RUNX2: variants seen among roughly 807,000 people sequenced by gnomAD.
The protein encoded by RUNX2 is runt-related transcription factor 2.
RUNX2 carries 10 observed loss-of-function variants against 51.7 expected under a neutral mutation model. The observed-to-expected ratio is 0.19, with a 90% CI of 0.12 to 0.33. The LOEUF is 0.33. RUNX2 is among the 10% of genes least tolerant of loss of function. The pLI, the probability that RUNX2 is intolerant of heterozygous loss-of-function variation, is 1.00. For synonymous variants in RUNX2, 276 were observed against 273.6 expected (o/e 1.01, Z -0.09); for missense variants, 562 against 691.3 (o/e 0.81, Z 2.10).
At chr6:45,418,188 T>C (rs1426958665) in intron 2 of RUNX2, among the ~76,000 whole-genome samples, 2 of 152,090 alleles carry the variant, frequency 1.3e-5, no homozygotes, top group Non-Finnish European at 2.9e-5. Context: ...ATATATAAAA[T>C]AATGTATGGG....
At chr6:45,409,938 A>T (rs1267975344) in intron 2 of RUNX2, among the ~76,000 whole-genome samples, 1 of 152,242 alleles carries the variant, frequency 6.6e-6, no homozygotes, top group Non-Finnish European at 1.5e-5. Context: ...ATGGAGGTAA[A>T]TGCAAATTTC....
Position 45,422,856 on chromosome 6 carries a change from G to T in RUNX2, c.322G>T (p.Asp108Tyr). The T allele has an allele frequency of 1.9e-6, 3 of 1,611,480 alleles. No homozygotes were observed. Among genetic ancestry groups the T allele is most frequent in the Non-Finnish European group, 1.7e-6 (2 of 1,179,482 alleles). ...CCGCACCATGGTGGAGATCATCGCC[G>T]ACCACCCGGCCGAACTCGTCCGCAC... Reference protein sequence around the residue: ...DNRTMVEIIADHPAELVRTDS... With the variant: ...DNRTMVEIIAYHPAELVRTDS... Residue 108 changes from aspartate to tyrosine, a missense_variant, in exon 3 of 9, where the codon GAC becomes TAC. This residue lies in a region of RUNX2 where 67 missense variants were observed against 106.5 expected (regional missense o/e 0.63). Coordinates refer to ENST00000647337, the MANE Select transcript of RUNX2 (RefSeq NM_001024630.4).
intron 5 of RUNX2, among the ~76,000 whole-genome samples, chr6:45,457,085 G>A (rs1799337799): frequency 6.6e-6 from 1 of 151,868 alleles, no homozygotes; most frequent in Non-Finnish European, 1.5e-5. Context: ...TGGGAGGAGG[G>A]GGCAAAAGTA....
chr6:45,482,570 C>T (rs1800147157), intron 5 of RUNX2, among the ~76,000 whole-genome samples: 1 of 152,226 alleles, frequency 6.6e-6, no homozygotes. Context: ...CTTCACTTCT[C>T]TCTCACACAC....
chr6:45,493,686 A>C (rs1800554658), intron 6 of RUNX2, among the ~76,000 whole-genome samples: 2 of 151,940 alleles, frequency 1.3e-5, no homozygotes, highest in Non-Finnish European at 2.9e-5. Flanking sequence ...TTATTCATTA[A>C]GGCATAAAAT....
chr6:45,491,630 T>TG (rs1417209255), intron 5 of RUNX2, among the ~76,000 whole-genome samples: 2 of 148,582 alleles, frequency 1.3e-5, no homozygotes, highest in South Asian at 2.1e-4. Context: ...TTGTTTTTTT[T>TG]TTTTTTTTTT....
At chr6:45,379,335 G>T (rs1252577327) in intron 2 of RUNX2, among the ~76,000 whole-genome samples, 1 of 152,188 alleles carries the variant, frequency 6.6e-6, no homozygotes, top group Non-Finnish European at 1.5e-5. Flanking sequence ...CTGGTTGAAA[G>T]CTCTTTTGAG....
At chr6:45,512,518 T>A in intron 7 of RUNX2, 111 bp downstream of exon 7, 1 of 1,179,280 alleles carries the variant, frequency 8.5e-7, no homozygotes, top group Non-Finnish European at 1.2e-6. Flanking sequence ...TAGAGGCATG[T>A]GGGCAAGGGA....
intron 2 of RUNX2, 103 bp from the exon 3 acceptor site, chr6:45,422,482 CCCGTCTCG>C: frequency 1.9e-6 from 1 of 534,440 alleles, no homozygotes; most frequent in Non-Finnish European, 3.1e-6. Context: ...CCTCTTTCCC[CCCGTCTCG>C]CCTTCACCCC....
intron 6 of RUNX2, among the ~76,000 whole-genome samples, chr6:45,509,509 C>A (rs1801078632): frequency 6.6e-6 from 1 of 152,192 alleles, no homozygotes; most frequent in African/African-American, 2.4e-5. Flanking sequence ...GGAGGTTTAA[C>A]TGAAGCCTAG....
intron 5 of RUNX2, among the ~76,000 whole-genome samples, chr6:45,474,580 A>G (rs1799901311): frequency 1.3e-5 from 2 of 152,060 alleles, no homozygotes; most frequent in African/African-American, 4.8e-5. Context: ...CAGAGTCTGT[A>G]GAGTTTAGTC....
At chr6:45,428,018 G>A (rs1798431091) in intron 3 of RUNX2, among the ~76,000 whole-genome samples, 1 of 152,120 alleles carries the variant, frequency 6.6e-6, no homozygotes, top group African/African-American at 2.4e-5. Flanking sequence ...TTCTCATGGA[G>A]TTTCTTGAAT....
At chr6:45,487,215 C>A (rs1165210551) in intron 5 of RUNX2, among the ~76,000 whole-genome samples, 1 of 152,110 alleles carries the variant, frequency 6.6e-6, no homozygotes, top group African/African-American at 2.4e-5. Context: ...TGAATGACTG[C>A]TGCTGAACTA....
chr6:45,536,103 G>A (rs542697028), intron 7 of RUNX2, among the ~76,000 whole-genome samples: 1 of 151,730 alleles, frequency 6.6e-6, no homozygotes, highest in South Asian at 2.1e-4. Context: ...AAAGATTGAG[G>A]AAGCCAGATA....
At position 45,477,791 on chromosome 6, in the gene RUNX2, G is replaced by A. The variant is rs148854059; in HGVS notation, c.686-14150G>A. Among the ~76,000 whole-genome samples, 34 of 152,286 alleles carry A rather than the reference G, an allele frequency of 2.2e-4. No homozygotes were observed. In the East Asian group the frequency reaches 3.9e-3, roughly 17 times the overall value. On this transcript the variant is annotated intron_variant, in intron 5 of 8. Coordinates refer to ENST00000647337, the MANE Select transcript of RUNX2 (RefSeq NM_001024630.4). ...CTTCTAAATCTATCTTCCCCTGTAAGTAAAGCAATCTTCCTAAACTGTAAA... is the reference window on the plus strand; with the variant it reads ...CTTCTAAATCTATCTTCCCCTGTAAATAAAGCAATCTTCCTAAACTGTAAA...
At chr6:45,393,703 C>T (rs183107299) in intron 2 of RUNX2, among the ~76,000 whole-genome samples, 1 of 152,204 alleles carries the variant, frequency 6.6e-6, no homozygotes, top group Non-Finnish European at 1.5e-5. Flanking sequence ...GCTGGGATTA[C>T]AGGTGTGAGC....
chr6:45,405,826 T>C lies in RUNX2; in HGVS notation c.59-16767T>C, dbSNP rs548411880. 7.9e-5 allele frequency among the ~76,000 whole-genome samples: 12 copies of C among 152,186 alleles called. No homozygotes were observed. The South Asian group carries it at 2.3e-3, about 29-fold the overall frequency. ...AACTATGATGGGAATATTTAGACCA[T>C]AGAAATTGGCAAGTGCTATAGATCG... is the stretch of plus-strand genomic sequence containing the variant. On this transcript the variant is annotated intron_variant, in intron 2 of 8. Coordinates refer to ENST00000647337, the MANE Select transcript of RUNX2 (RefSeq NM_001024630.4).
At chr6:45,431,701 G>C (rs1258465481) in intron 3 of RUNX2, among the ~76,000 whole-genome samples, 162 bp from the exon 4 acceptor site, 3 of 152,194 alleles carry the variant, frequency 2.0e-5, no homozygotes, top group Non-Finnish European at 1.5e-5. Flanking sequence ...GTTTGAAGTG[G>C]CATCACAACC....
intron 2 of RUNX2, among the ~76,000 whole-genome samples, chr6:45,342,462 T>C (rs1386760617): frequency 1.3e-5 from 2 of 152,136 alleles, no homozygotes; most frequent in Non-Finnish European, 2.9e-5. Flanking sequence ...AGTTTCAACA[T>C]GTTGGCCAGG....
Sources: allele counts gnomAD v4.1 joint callset (sites outside exome capture counted in the v4.1 genomes callset), GRCh38; gene constraint gnomAD v4.1.1; regional missense constraint gnomAD v4.1.1; transcripts MANE v1.5; gene names NCBI Gene and HGNC (gene_info 2026-07-23, HGNC 2026-07-21).